Variants in RGS6 observed in about 807,000 individuals in gnomAD.
RGS6 encodes regulator of G-protein signaling 6.
A neutral mutation model predicts 78.5 loss-of-function variants in RGS6; 30 were observed. That is an observed-to-expected ratio of 0.38 (90% CI 0.29 to 0.52). RGS6 has a LOEUF of 0.52. RGS6 is among the 20% of genes least tolerant of loss of function. The probability of loss-of-function intolerance (pLI) is 0.85; values close to 1 mark genes in which losing one functional copy is unlikely to be tolerated. For missense variants in RGS6, 495 were observed against 609.7 expected, an observed-to-expected ratio of 0.81 and a Z score of 1.98; for synonymous variants, 206 against 206.0, an observed-to-expected ratio of 1.00 and a Z score of 0.00.
chr14:72,004,898 T>TA (rs1187860413), intron 2 of RGS6, among the ~76,000 whole-genome samples: 3 of 152,236 alleles, frequency 2.0e-5, no homozygotes, highest in African/African-American at 7.2e-5. Context: ...TCCATTGGTG[T>TA]AACACGAATG....
At chr14:72,560,107 A>ATTT (rs11446983) in intron 17 of RGS6, among the ~76,000 whole-genome samples, 1 of 150,418 alleles carries the variant, frequency 6.6e-6, no homozygotes, top group African/African-American at 2.4e-5. Flanking sequence ...AGCTTGAGTG[A>ATTT]TTTTTTTTTT....
the RGS6 span, among the ~76,000 whole-genome samples, chr14:72,598,212 G>C: frequency 5.3e-5 from 8 of 152,198 alleles, no homozygotes; most frequent in African/African-American, 1.9e-4. Flanking sequence ...CCTGGCTGCC[G>C]GAGTTGAGCT....
chr14:72,282,847 G>C (rs1000837557), intron 2 of RGS6, among the ~76,000 whole-genome samples: 1 of 152,010 alleles, frequency 6.6e-6, no homozygotes, highest in African/African-American at 2.4e-5. Context: ...GTTAATTATA[G>C]GGACTGTGTT....
intron 3 of RGS6, among the ~76,000 whole-genome samples, chr14:72,412,515 C>G (rs189429727): frequency 3.1e-4 from 47 of 152,220 alleles, no homozygotes; most frequent in Middle Eastern, 3.4e-3. Context: ...TTCAAAAAAC[C>G]AGCTCCTGGA....
intron 2 of RGS6, among the ~76,000 whole-genome samples, chr14:72,052,070 G>A (rs1284883018): frequency 6.6e-6 from 1 of 152,140 alleles, no homozygotes. Flanking sequence ...GCATGCAGGG[G>A]ACCGAGAAAG....
intron 16 of RGS6, chr14:72,537,490 T>A: frequency 1.4e-6 from 1 of 702,374 alleles, no homozygotes; most frequent in Non-Finnish European, 2.6e-6. Context: ...TCAGCAGCTC[T>A]CTGGGTTTCC....
intron 15 of RGS6, 29 bp downstream of exon 15, chr14:72,518,566 T>TAAGGTGTTCA (rs1260708478): frequency 6.2e-7 from 1 of 1,603,962 alleles, no homozygotes; most frequent in Non-Finnish European, 8.5e-7. Flanking sequence ...GTGGTTGTCA[T>TAAGGTGTTCA]AAGGTGTTCA....
the RGS6 span, among the ~76,000 whole-genome samples, chr14:71,885,234 T>C: frequency 6.6e-6 from 1 of 152,158 alleles, no homozygotes; most frequent in Non-Finnish European, 1.5e-5. Flanking sequence ...ACCTAAACAT[T>C]TCTACTCCGT....
At chr14:72,085,712 G>A (rs1028445559) in intron 2 of RGS6, among the ~76,000 whole-genome samples, 1 of 152,000 alleles carries the variant, frequency 6.6e-6, no homozygotes, top group African/African-American at 2.4e-5. Flanking sequence ...AAATTAGCTG[G>A]GTGTGGTGGT....
chr14:72,555,139 G>A (rs536670836), intron 17 of RGS6, among the ~76,000 whole-genome samples: 1 of 152,266 alleles, frequency 6.6e-6, no homozygotes, highest in East Asian at 1.9e-4. Context: ...TTAGAGTAAG[G>A]CCACCCTGCC....
At chr14:71,921,271 C>T in the RGS6 span, among the ~76,000 whole-genome samples, 1 of 152,086 alleles carries the variant, frequency 6.6e-6, no homozygotes, top group South Asian at 2.1e-4. Context: ...TTAGTAAAGC[C>T]ATTATGGAAA....
chr14:72,181,594 A>G (rs549631429), intron 2 of RGS6, among the ~76,000 whole-genome samples: 82 of 152,350 alleles, frequency 5.4e-4, no homozygotes, highest in South Asian at 1.0e-3. Flanking sequence ...TTCCTTCTGC[A>G]TAATGTGCTA....
At position 72,400,163 on chromosome 14, in the gene RGS6, A is replaced by G. The variant is rs377073358; in HGVS notation, c.184+47969A>G. ...AAAGGTCGGGTTACCCACAAAGGGA[A>G]GCCCATCAGACTAACAGCTGATCTC... On this transcript the variant is annotated intron_variant, in intron 3 of 17. Transcript: ENST00000553525. Among the ~76,000 whole-genome samples, 122 of 152,368 alleles carry G rather than the reference A, an allele frequency of 8.0e-4. 3 individuals carry two copies. In the South Asian group the frequency reaches 0.025, roughly 31 times the overall value.
chr14:71,898,559 T>C, the RGS6 span, among the ~76,000 whole-genome samples: 1 of 152,204 alleles, frequency 6.6e-6, no homozygotes, highest in East Asian at 1.9e-4. Flanking sequence ...TGCAGGTTTG[T>C]TACATAGGTA....
intron 2 of RGS6, among the ~76,000 whole-genome samples, chr14:72,050,356 A>G (rs1377765747): frequency 2.6e-5 from 4 of 152,212 alleles, no homozygotes; most frequent in African/African-American, 9.6e-5. Flanking sequence ...ATTAACCTGT[A>G]TGCAAAGCAT....
At chr14:72,330,388 C>G (rs1489337287) in intron 2 of RGS6, among the ~76,000 whole-genome samples, 3 of 152,274 alleles carry the variant, frequency 2.0e-5, no homozygotes, top group Middle Eastern at 3.4e-3. Flanking sequence ...TCACTGCACC[C>G]TTCAGCTATT....
chr14:72,117,484 A>G (rs1352097692), intron 2 of RGS6, among the ~76,000 whole-genome samples: 2 of 152,124 alleles, frequency 1.3e-5, no homozygotes, highest in Non-Finnish European at 2.9e-5. Flanking sequence ...CCTCAACAGA[A>G]GCAGATATTG....
intron 2 of RGS6, among the ~76,000 whole-genome samples, chr14:72,148,666 G>C (rs376967967): frequency 1.3e-5 from 2 of 152,160 alleles, no homozygotes; most frequent in African/African-American, 4.8e-5. Flanking sequence ...AATATGGTGT[G>C]GGGGCAGGGT....
Position 72,518,514 on chromosome 14 carries a change from A to G in RGS6, c.1255A>G (p.Arg419Gly). The G allele has an allele frequency of 6.2e-7, 1 of 1,614,196 alleles. No homozygotes were observed. Among genetic ancestry groups the G allele is most frequent in the Non-Finnish European group, 8.5e-7 (1 of 1,180,010 alleles). ...ITSQNVKDGG[R>G]YTFEDAQEHI... ...CAGTCAAAATGTCAAAGATGGAGGG[A>G]GATATACATTTGAAGACGCCCAGGT... is the stretch of plus-strand genomic sequence containing the variant. The change falls in exon 15 of 18, where the codon AGA becomes GGA. Residue 419 changes from arginine to glycine, a missense_variant. Arg to Gly is a moderately radical substitution (Grantham distance 125). Coordinates refer to ENST00000553525, the MANE Select transcript of RGS6 (RefSeq NM_001204424.2).
Sources: allele counts gnomAD v4.1 joint callset (sites outside exome capture counted in the v4.1 genomes callset), GRCh38; gene constraint gnomAD v4.1.1; transcripts MANE v1.5; gene names NCBI Gene and HGNC (gene_info 2026-07-23, HGNC 2026-07-21).